GRID1: variants seen among roughly 807,000 people sequenced by gnomAD.
The protein encoded by GRID1 is glutamate receptor ionotropic, delta-1.
Under a neutral mutation model 98.0 loss-of-function variants are expected in GRID1, and 28 were observed. That is an observed-to-expected ratio of 0.29 (90% confidence interval 0.21 to 0.39). The LOEUF (loss-of-function observed/expected upper bound fraction) is 0.39. Ranked by LOEUF, GRID1 falls within the 10% of genes least tolerant of loss-of-function variation. The pLI, the probability that GRID1 is intolerant of heterozygous loss-of-function variation, is 1.00. For missense variants in GRID1, 1,111 were observed against 1,340.5 expected (o/e 0.83, Z 2.67); for synonymous variants, 553 against 538.5 (o/e 1.03, Z -0.37).
At chr10:86,307,771 T>C (rs1258680360) in intron 2 of GRID1, among the ~76,000 whole-genome samples, 2 of 152,224 alleles carry the variant, frequency 1.3e-5, no homozygotes, top group Non-Finnish European at 2.9e-5. Context: ...TTACAATGCA[T>C]ATCAAAACAC....
intron 5 of GRID1, among the ~76,000 whole-genome samples, chr10:85,897,699 C>CA (rs1589291549): frequency 6.6e-6 from 1 of 152,142 alleles, no homozygotes; most frequent in East Asian, 1.9e-4. Flanking sequence ...TTAAATCAAG[C>CA]TAATTAATTG....
intron 13 of GRID1, among the ~76,000 whole-genome samples, chr10:85,642,785 A>G (rs1399191729): frequency 1.3e-5 from 2 of 152,178 alleles, no homozygotes; most frequent in Non-Finnish European, 1.5e-5. Context: ...TGATTTTTTA[A>G]CATTATTGTA....
intron 12 of GRID1, among the ~76,000 whole-genome samples, chr10:85,716,749 T>C (rs1444625970): frequency 6.7e-6 from 1 of 148,698 alleles, no homozygotes; most frequent in South Asian, 2.1e-4. Context: ...ATACAATATA[T>C]AAATAAAATA....
chr10:85,837,340 C>T lies in GRID1; in HGVS notation c.1233+17156G>A, dbSNP rs552614814. ...GTCTCCATCAGGGTTCCTCCTACTA[C>T]CAGCTGCCTTGCCTCTGCCACTATG... On this transcript the variant is annotated intron_variant, in intron 8 of 15. Coordinates refer to ENST00000327946, the MANE Select transcript of GRID1 (RefSeq NM_017551.3). Among the ~76,000 whole-genome samples, 94 of 152,338 alleles carry T rather than the reference C, an allele frequency of 6.2e-4. 1 individual carries two copies. The highest frequency in any genetic ancestry group is 2.2e-3 in the African/African-American group (91 of 41,582).
chr10:85,701,663 CT>C (rs1439153201), intron 12 of GRID1, among the ~76,000 whole-genome samples: 1 of 152,118 alleles, frequency 6.6e-6, no homozygotes, highest in East Asian at 1.9e-4. Flanking sequence ...ATGGAAAGAG[CT>C]CTCCACATTC....
At chr10:85,678,783 C>T (rs1368063701) in intron 12 of GRID1, among the ~76,000 whole-genome samples, 1 of 152,114 alleles carries the variant, frequency 6.6e-6, no homozygotes, top group Admixed American at 6.5e-5. Context: ...CTACAATCCT[C>T]TTCTCTCCCC....
chr10:85,743,065 C>A (rs1046111021), intron 8 of GRID1, among the ~76,000 whole-genome samples: 25 of 144,510 alleles, frequency 1.7e-4, no homozygotes, highest in Non-Finnish European at 6.0e-5. Flanking sequence ...AAAAATATCT[C>A]CAGACATTGC....
intron 12 of GRID1, among the ~76,000 whole-genome samples, chr10:85,655,537 G>T (rs1840885002): frequency 6.6e-6 from 1 of 152,140 alleles, no homozygotes; most frequent in Admixed American, 6.5e-5. Flanking sequence ...GCTGAATATG[G>T]CTGGGAGAAG....
intron 4 of GRID1, among the ~76,000 whole-genome samples, chr10:86,090,802 C>T (rs1005596997): frequency 6.6e-6 from 1 of 152,180 alleles, no homozygotes; most frequent in African/African-American, 2.4e-5. Flanking sequence ...AAGAGACACC[C>T]CAAATACTGT....
intron 5 of GRID1, among the ~76,000 whole-genome samples, chr10:85,882,525 A>G (rs894071070): frequency 3.3e-5 from 5 of 152,284 alleles, no homozygotes; most frequent in Non-Finnish European, 7.3e-5. Context: ...CGCAAGGACA[A>G]AAAACCAAAC....
chr10:86,061,210 C>T (rs568486737), intron 4 of GRID1, among the ~76,000 whole-genome samples: 30 of 152,270 alleles, frequency 2.0e-4, no homozygotes, highest in Non-Finnish European at 3.8e-4. Context: ...CCAGCAGCTC[C>T]GAGCAGCTCC....
At chr10:85,976,825 G>C (rs1052438997) in intron 4 of GRID1, among the ~76,000 whole-genome samples, 4 of 152,206 alleles carry the variant, frequency 2.6e-5, no homozygotes, top group African/African-American at 9.7e-5. Context: ...GGCCCCACAG[G>C]ACAGGCTAAG....
chr10:85,993,069 T>A (rs974415526), intron 4 of GRID1, among the ~76,000 whole-genome samples: 1 of 152,186 alleles, frequency 6.6e-6, no homozygotes, highest in Non-Finnish European at 1.5e-5. Context: ...GGACACCTCC[T>A]GAGGGACACG....
chr10:86,302,114 C>T (rs2132082432), intron 2 of GRID1, among the ~76,000 whole-genome samples: 1 of 152,336 alleles, frequency 6.6e-6, no homozygotes, highest in African/African-American at 2.4e-5. Flanking sequence ...TGACCCTTAG[C>T]TTCCCTCCTC....
intron 4 of GRID1, among the ~76,000 whole-genome samples, chr10:86,121,562 T>C (rs1490341477): frequency 1.7e-4 from 18 of 105,478 alleles, no homozygotes; most frequent in South Asian, 3.1e-4. Context: ...TCACCATCAT[T>C]ATCACCATCA....
chr10:86,096,867 C>G (rs1445223068), intron 4 of GRID1, among the ~76,000 whole-genome samples: 2 of 152,196 alleles, frequency 1.3e-5, no homozygotes, highest in Non-Finnish European at 2.9e-5. Flanking sequence ...CTTCCGTAGC[C>G]AGGATTCACG....
chr10:86,339,997 G>C (rs1848287558), intron 2 of GRID1, among the ~76,000 whole-genome samples: 1 of 152,142 alleles, frequency 6.6e-6, no homozygotes. Flanking sequence ...AGTGGGGTGG[G>C]GAGCAGGGTG....
chr10:86,196,089 A>G (rs921465170), intron 3 of GRID1, among the ~76,000 whole-genome samples: 1 of 151,946 alleles, frequency 6.6e-6, no homozygotes, highest in Non-Finnish European at 1.5e-5. Flanking sequence ...CTTCCCTTCC[A>G]TGGACCCCTT....
In GRID1 at chr10:85,781,350, G is replaced by T. The variant is rs757681702; in HGVS notation, c.1234-51736C>A. ...CCTTCAAATATTGAGACATCTCTGC[G>T]TGCTCCCACTATGCCACATAAGCAT... On this transcript the variant is annotated intron_variant, in intron 8 of 15. Coordinates refer to ENST00000327946, the MANE Select transcript of GRID1 (RefSeq NM_017551.3). Among the ~76,000 whole-genome samples, 9 of 152,146 alleles carry T rather than the reference G, an allele frequency of 5.9e-5. No individual in the cohort carries two copies. In the East Asian group the frequency reaches 1.7e-3, roughly 29 times the overall value.
Sources: allele counts gnomAD v4.1 joint callset (sites outside exome capture counted in the v4.1 genomes callset), GRCh38; gene constraint gnomAD v4.1.1; transcripts MANE v1.5; gene names NCBI Gene and HGNC (gene_info 2026-07-23, HGNC 2026-07-21).